The following LCOR variants were observed in gnomAD, a reference collection of about 807,000 sequenced individuals.
The protein encoded by LCOR is ligand-dependent corepressor.
Under a neutral mutation model 64.4 loss-of-function variants are expected in LCOR, and 14 were observed. The ratio of observed to expected loss-of-function variants is 0.22; its 90% CI spans 0.14 to 0.34. LCOR has a LOEUF of 0.34. LCOR is among the 10% of genes least tolerant of loss of function. The pLI is 1.00. For synonymous variants in LCOR, 643 were observed against 642.5 expected (o/e 1.00, Z -0.01); for missense variants, 1,686 against 1,765.3 (o/e 0.96, Z 0.80).
chr10:96,924,735 A>C (rs998721130), intron 4 of LCOR, among the ~76,000 whole-genome samples: 1 of 152,084 alleles, frequency 6.6e-6, no homozygotes, highest in African/African-American at 2.4e-5. Context: ...AGCCATATGA[A>C]AATAAGTTGT....
chr10:96,916,189 TC>T, intron 4 of LCOR, among the ~76,000 whole-genome samples: 1 of 151,652 alleles, frequency 6.6e-6, no homozygotes, highest in African/African-American at 2.4e-5. Flanking sequence ...CCGCCACCAC[TC>T]CCGTCTAACT....
chr10:96,845,431 C>G (rs10882850), intron 2 of LCOR, among the ~76,000 whole-genome samples: 5 of 81,936 alleles, frequency 6.1e-5, no homozygotes, highest in South Asian at 4.4e-4. Context: ...AAGTTTGCCT[C>G]TTATAAATGG....
chr10:96,894,773 A>T (rs890012340), intron 2 of LCOR, among the ~76,000 whole-genome samples: 1 of 152,296 alleles, frequency 6.6e-6, no homozygotes, highest in African/African-American at 2.4e-5. Flanking sequence ...ATATATTTAG[A>T]TGTGTTTGAT....
intron 2 of LCOR, among the ~76,000 whole-genome samples, chr10:96,863,071 T>G (rs1176007861): frequency 6.6e-6 from 1 of 150,742 alleles, no homozygotes; most frequent in East Asian, 2.0e-4. Flanking sequence ...TTAGGAGAGA[T>G]GGGGTTTCAC....
At chr10:96,955,838 G>A (rs766563441) in intron 7 of LCOR, 44 of 1,614,052 alleles carry the variant, frequency 2.7e-5, no homozygotes, top group African/African-American at 6.7e-5. Flanking sequence ...TAATGAGGTC[G>A]GAGGGGCCAG....
intron 2 of LCOR, among the ~76,000 whole-genome samples, chr10:96,835,198 G>A (rs1183438682): frequency 1.4e-5 from 2 of 147,574 alleles, no homozygotes; most frequent in African/African-American, 5.2e-5. Context: ...CACTGTGCCC[G>A]GCCGTGTTTT....
intron 4 of LCOR, among the ~76,000 whole-genome samples, chr10:96,922,697 A>G (rs1349492255): frequency 6.6e-6 from 1 of 152,208 alleles, no homozygotes; most frequent in Non-Finnish European, 1.5e-5. Flanking sequence ...TTTTCGTTTA[A>G]TGTTGTTAAA....
At chr10:96,942,742 A>T (rs910430977) in intron 4 of LCOR, among the ~76,000 whole-genome samples, 3 of 152,234 alleles carry the variant, frequency 2.0e-5, no homozygotes, top group Middle Eastern at 3.4e-3. Flanking sequence ...TTTTTGAGGG[A>T]ATCATTTGTG....
chr10:96,956,176 A>G (rs987648504), intron 7 of LCOR: 36 of 1,265,538 alleles, frequency 2.8e-5, no homozygotes, highest in Non-Finnish European at 3.4e-5. Context: ...GTTACCTCAC[A>G]GAGAACAGAT....
At chr10:96,936,822 C>G (rs760141563) in intron 4 of LCOR, among the ~76,000 whole-genome samples, 2 of 151,524 alleles carry the variant, frequency 1.3e-5, no homozygotes, top group Non-Finnish European at 2.9e-5. Context: ...GTACCAAACT[C>G]TATATATACT....
chr10:96,992,081 CTA>C lies in LCOR; in HGVS notation c.*6950_*6951del, dbSNP rs1173284548. On this transcript the variant is annotated 3_prime_UTR_variant, in exon 8 of 8. Transcript: ENST00000421806. ...TGGGAGCTAATTTTTGGGAAAGAGA[CTA>C]TACCAACAAGATTTGCATAATTTTT... 8.5e-5 allele frequency: 13 copies of C among 152,150 alleles called. No individual in the cohort carries two copies. Among genetic ancestry groups the C allele is most frequent in the African/African-American group, 2.9e-4 (12 of 41,416 alleles). 9.4% of individuals were successfully genotyped at this position (152,150 alleles called of 1,614,324 possible). A position where few individuals can be genotyped will look rare whatever the true frequency, so the allele number is the denominator to read the frequency against.
chr10:96,955,126 T>G lies in LCOR; in HGVS notation c.332+2930T>G, dbSNP rs781673042. 2.5e-6 allele frequency: 4 copies of G among 1,614,140 alleles called. No homozygotes were observed. In the Admixed American group the frequency reaches 6.7e-5, roughly 27 times the overall value. Reference sequence around the variant, plus strand: ...GAAGAACTACTGAGCAGAAACCAATTGTCCACAGCTGCCAGCCTTGGGCCA... The same window carrying G: ...GAAGAACTACTGAGCAGAAACCAATGGTCCACAGCTGCCAGCCTTGGGCCA... On this transcript the variant is annotated intron_variant, in intron 7 of 7. Transcript: ENST00000421806.
At chr10:96,908,116 C>T in intron 4 of LCOR, 1 of 152,046 alleles carries the variant, frequency 6.6e-6, no homozygotes, top group Non-Finnish European at 1.5e-5. Context: ...TGCCTCAGTC[C>T]CGAGCAGCTG....
At chr10:96,955,001 T>C (rs1405002064) in intron 7 of LCOR, 1 of 1,613,944 alleles carries the variant, frequency 6.2e-7, no homozygotes, top group Non-Finnish European at 8.5e-7. Flanking sequence ...TTCGGAGTGG[T>C]GATGGGGTAC....
chr10:96,875,584 A>G (rs938958335), intron 2 of LCOR, among the ~76,000 whole-genome samples: 2 of 152,162 alleles, frequency 1.3e-5, no homozygotes, highest in African/African-American at 4.8e-5. Context: ...CACATGGGCC[A>G]GGTTTGGTGG....
chr10:96,907,658 A>AT lies in LCOR; in HGVS notation c.-263-5dup. On this transcript the variant is annotated splice_polypyrimidine_tract_variant and intron_variant, in intron 3 of 7. Transcript: ENST00000421806. ...CTTTTATGACTATTAATTTGTTACT[A>AT]TTTTTGCAGACTGTGAACCTGAAAG... The AT allele has an allele frequency of 2.1e-6, 2 of 954,270 alleles. No homozygotes were observed. Among genetic ancestry groups the AT allele is most frequent in the African/African-American group, 1.8e-5 (1 of 56,662 alleles). 59.1% of individuals were successfully genotyped at this position (954,270 alleles called of 1,614,324 possible). A position where few individuals can be genotyped will look rare whatever the true frequency, so the allele number is the denominator to read the frequency against.
chr10:96,863,190 T>C (rs1674392761), intron 2 of LCOR, among the ~76,000 whole-genome samples: 1 of 147,946 alleles, frequency 6.8e-6, no homozygotes, highest in South Asian at 2.1e-4. Context: ...GCCGAAGTAA[T>C]ATGTTTTCTT....
At chr10:96,958,701 T>A (rs1460143562) in intron 7 of LCOR, 1 of 409,562 alleles carries the variant, frequency 2.4e-6, no homozygotes, top group African/African-American at 2.0e-5. Flanking sequence ...TAAATTTTCT[T>A]TTCCAAGAAG....
At chr10:96,863,745 A>G (rs1845927299) in intron 2 of LCOR, among the ~76,000 whole-genome samples, 1 of 152,120 alleles carries the variant, frequency 6.6e-6, no homozygotes, top group South Asian at 2.1e-4. Flanking sequence ...TTGGTCTTGT[A>G]TTTACCTTAG....
Sources: gnomAD v4.1 joint callset for allele counts (sites outside exome capture counted in the v4.1 genomes callset) on GRCh38, gnomAD v4.1.1 for gene constraint, MANE v1.5 for transcripts, NCBI Gene and HGNC (gene_info 2026-07-23, HGNC 2026-07-21) for gene names.